USP10: variants seen among roughly 807,000 people sequenced by gnomAD.
USP10 encodes the protein ubiquitin specific peptidase 10, also known as ubiquitin carboxyl-terminal hydrolase 10.
Under a neutral mutation model 84.5 loss-of-function variants are expected in USP10, and 22 were observed. That is an observed-to-expected ratio of 0.26 (90% CI 0.19 to 0.37). The LOEUF is 0.37. USP10 is among the 10% of genes least tolerant of loss of function. The pLI, the probability that USP10 is intolerant of heterozygous loss-of-function variation, is 1.00. For missense variants in USP10, 1,019 were observed against 998.9 expected (o/e 1.02, Z -0.27); for synonymous variants, 454 against 387.6 (o/e 1.17, Z -2.01).
At chr16:84,765,395 C>G (rs1369255850) in intron 10 of USP10, among the ~76,000 whole-genome samples, 1 of 151,910 alleles carries the variant, frequency 6.6e-6, no homozygotes, top group Non-Finnish European at 1.5e-5. Flanking sequence ...TGTGGCTGCC[C>G]TTGGTGTCCT....
intron 13 of USP10, among the ~76,000 whole-genome samples, chr16:84,775,877 T>C (rs532951654): frequency 9.1e-5 from 11 of 121,532 alleles, no homozygotes; most frequent in African/African-American, 3.1e-4. Context: ...TCTTTCTCTT[T>C]TATAGCGTCA....
chr16:84,748,911 C>G (rs956859913), intron 4 of USP10, among the ~76,000 whole-genome samples: 4 of 152,188 alleles, frequency 2.6e-5, no homozygotes, highest in Middle Eastern at 3.2e-3. Flanking sequence ...ATATTGTAAA[C>G]CCCTACCAAA....
At chr16:84,735,832 T>C (rs1260784052) in intron 2 of USP10, among the ~76,000 whole-genome samples, 1 of 152,220 alleles carries the variant, frequency 6.6e-6, no homozygotes, top group East Asian at 1.9e-4. Context: ...AAAATCACAG[T>C]AACCTGCAAA....
intron 13 of USP10, among the ~76,000 whole-genome samples, chr16:84,777,252 A>G (rs953298695): frequency 1.3e-5 from 2 of 152,196 alleles, no homozygotes; most frequent in African/African-American, 4.8e-5. Context: ...CTGCTTATGA[A>G]ACTAGAATGG....
At chr16:84,718,151 G>A (rs1490972352) in intron 1 of USP10, among the ~76,000 whole-genome samples, 2 of 152,208 alleles carry the variant, frequency 1.3e-5, no homozygotes, top group African/African-American at 4.8e-5. Context: ...TGGAGTGTTG[G>A]TAGTGAAAGT....
intron 5 of USP10, 42 bp downstream of exon 5, chr16:84,758,849 G>A: frequency 6.9e-7 from 1 of 1,442,692 alleles, no homozygotes; most frequent in Non-Finnish European, 9.8e-7. Flanking sequence ...GCTTGTTGCA[G>A]CTGTCCCTCC....
chr16:84,764,363 C>G, intron 10 of USP10, 100 bp downstream of exon 10: 1 of 1,492,370 alleles, frequency 6.7e-7, no homozygotes, highest in African/African-American at 1.4e-5. Flanking sequence ...ACTTCTTGGA[C>G]GTAATGGTTT....
At chr16:84,722,851 C>T (rs542465279) in intron 1 of USP10, among the ~76,000 whole-genome samples, 3 of 152,226 alleles carry the variant, frequency 2.0e-5, no homozygotes, top group Non-Finnish European at 2.9e-5. Context: ...CCACTGCGTC[C>T]GGCTCAGTCG....
intron 2 of USP10, among the ~76,000 whole-genome samples, chr16:84,739,361 C>T (rs1401697400): frequency 6.6e-6 from 1 of 151,952 alleles, no homozygotes; most frequent in East Asian, 1.9e-4. Flanking sequence ...AACCTCCATC[C>T]CCCAGGTTCA....
At chr16:84,729,007 G>C (rs1908873342) in intron 1 of USP10, among the ~76,000 whole-genome samples, 1 of 151,906 alleles carries the variant, frequency 6.6e-6, no homozygotes, top group African/African-American at 2.4e-5. Context: ...CATTTTGGCT[G>C]GGCTGGTCTT....
At chr16:84,763,221 C>T in intron 9 of USP10, 133 bp downstream of exon 9, 2 of 509,736 alleles carry the variant, frequency 3.9e-6, no homozygotes, top group Non-Finnish European at 7.1e-6. Flanking sequence ...CCTACGATAA[C>T]TTACACCATC....
intron 1 of USP10, among the ~76,000 whole-genome samples, chr16:84,721,851 C>T (rs888762829): frequency 1.3e-5 from 2 of 152,242 alleles, no homozygotes; most frequent in African/African-American, 4.8e-5. Context: ...GCACACGCCG[C>T]CACACCTGGC....
At chr16:84,706,412 A>G (rs572699618) in intron 1 of USP10, among the ~76,000 whole-genome samples, 1 of 151,736 alleles carries the variant, frequency 6.6e-6, no homozygotes, top group South Asian at 2.1e-4. Context: ...GAGTTCCTAT[A>G]TACCCCTTCT....
chr16:84,713,633 C>T (rs1269803823), intron 1 of USP10, among the ~76,000 whole-genome samples: 2 of 152,202 alleles, frequency 1.3e-5, no homozygotes, highest in African/African-American at 4.8e-5. Context: ...TATTAACAAA[C>T]ACCTTCATGA....
At chr16:84,709,000 T>C (rs185245426) in intron 1 of USP10, 2 of 152,370 alleles carry the variant, frequency 1.3e-5, no homozygotes, top group Admixed American at 1.3e-4. Flanking sequence ...TGGTAATTCC[T>C]GTAACACAAG....
chr16:84,709,736 G>A, intron 1 of USP10, among the ~76,000 whole-genome samples: 1 of 152,298 alleles, frequency 6.6e-6, no homozygotes, highest in Admixed American at 6.5e-5. Context: ...GACGTCTCTT[G>A]TAGAACGGTG....
chr16:84,772,714 C>A, intron 12 of USP10, 29 bp downstream of exon 12: 1 of 1,611,322 alleles, frequency 6.2e-7, no homozygotes, highest in South Asian at 1.1e-5. Context: ...CGGGAGTGTT[C>A]GTGGTGACAC....
intron 12 of USP10, 67 bp from the exon 13 acceptor site, chr16:84,775,093 A>AT (rs1286578979): frequency 1.1e-4 from 151 of 1,423,404 alleles, no homozygotes; most frequent in Non-Finnish European, 1.4e-4. Context: ...GTTGTTAGCC[A>AT]TTTTCTGCTG....
intron 1 of USP10, among the ~76,000 whole-genome samples, chr16:84,713,459 A>G (rs1201541115): frequency 6.6e-6 from 1 of 151,768 alleles, no homozygotes; most frequent in East Asian, 1.9e-4. Flanking sequence ...AATACCCTAC[A>G]TACCCGCTAT....
Sources: allele counts gnomAD v4.1 joint callset (sites outside exome capture counted in the v4.1 genomes callset), GRCh38; gene constraint gnomAD v4.1.1; transcripts MANE v1.5; gene names NCBI Gene and HGNC (gene_info 2026-07-23, HGNC 2026-07-21).